Variants in TTC23 observed in about 807,000 individuals in gnomAD.
TTC23 encodes the protein tetratricopeptide repeat protein 23.
A neutral mutation model predicts 55.1 loss-of-function variants in TTC23; 58 were observed. The ratio of observed to expected loss-of-function variants is 1.05; its 90% CI spans 0.85 to 1.31. The LOEUF (loss-of-function observed/expected upper bound fraction) is 1.31, where lower values mean the gene tolerates loss of function less well. Among genes scored for constraint, TTC23 ranks in the 50% most tolerant of loss-of-function variants. The pLI is 0.00. For missense variants in TTC23, 516 were observed against 534.4 expected (o/e 0.97, Z 0.34); for synonymous variants, 203 against 199.9 (o/e 1.02, Z -0.13).
chr15:99,152,901 G>A (rs1301137148), intron 12 of TTC23, among the ~76,000 whole-genome samples: 1 of 152,044 alleles, frequency 6.6e-6, no homozygotes, highest in Non-Finnish European at 1.5e-5. Flanking sequence ...AGGTTCAAGC[G>A]ATCCTCCCAC....
chr15:99,222,891 G>A (rs1386114694), intron 5 of TTC23, among the ~76,000 whole-genome samples: 1 of 152,132 alleles, frequency 6.6e-6, no homozygotes, highest in African/African-American at 2.4e-5. Context: ...CAGCTACTCG[G>A]GAGGCTGGGG....
At chr15:99,151,121 T>A (rs2069669468) in intron 12 of TTC23, among the ~76,000 whole-genome samples, 1 of 152,218 alleles carries the variant, frequency 6.6e-6, no homozygotes, top group African/African-American at 2.4e-5. Flanking sequence ...TGGGACATTT[T>A]TAAGGGAAGG....
At chr15:99,142,489 C>A (rs1271256595) in intron 12 of TTC23, among the ~76,000 whole-genome samples, 1 of 152,186 alleles carries the variant, frequency 6.6e-6, no homozygotes, top group Admixed American at 6.5e-5. Context: ...GATGTTGTCA[C>A]TGCTTGTTGT....
intron 13 of TTC23, among the ~76,000 whole-genome samples, chr15:99,138,979 C>T (rs935024936): frequency 1.1e-4 from 16 of 152,196 alleles, no homozygotes; most frequent in South Asian, 4.1e-4. Context: ...GACGGGCATC[C>T]GAGGGCAGAG....
At chr15:99,250,528 TA>T (rs2080641648), upstream of TTC23, among the ~76,000 whole-genome samples, 1 of 152,212 alleles carries the variant, frequency 6.6e-6, no homozygotes, top group Admixed American at 6.5e-5. Context: ...GATTATACTT[TA>T]AAATCTTCAT....
At chr15:99,188,363 G>C (rs1024331315) in intron 9 of TTC23, among the ~76,000 whole-genome samples, 2 of 151,856 alleles carry the variant, frequency 1.3e-5, no homozygotes, top group African/African-American at 4.8e-5. Flanking sequence ...GACTGCCAAT[G>C]GGTATGGAAT....
At chr15:99,187,469 C>CAAAAAAAAAAAAAAAAGAAAAAAA (rs1451783999) in intron 9 of TTC23, among the ~76,000 whole-genome samples, 1 of 110,648 alleles carries the variant, frequency 9.0e-6, no homozygotes, top group Non-Finnish European at 1.8e-5. Context: ...AAAAAAAAAA[C>CAAAAAAAAAAAAAAAAGAAAAAAA]AAAACAAAAG....
chr15:99,189,236 C>T (rs1352662118), intron 9 of TTC23, among the ~76,000 whole-genome samples: 1 of 151,924 alleles, frequency 6.6e-6, no homozygotes, highest in Non-Finnish European at 1.5e-5. Flanking sequence ...ATACTAATAA[C>T]AAATAAATAA....
chr15:99,246,329 C>T (rs1172004697), intron 1 of TTC23, among the ~76,000 whole-genome samples: 1 of 152,140 alleles, frequency 6.6e-6, no homozygotes, highest in Non-Finnish European at 1.5e-5. Context: ...AAATCAGTAA[C>T]ATGGGGCTGG....
chr15:99,236,306 C>G (rs932397734), intron 3 of TTC23, among the ~76,000 whole-genome samples: 13 of 152,068 alleles, frequency 8.5e-5, no homozygotes, highest in African/African-American at 1.9e-4. Context: ...AACTTATTTT[C>G]TTTTTTTAAT....
intron 10 of TTC23, among the ~76,000 whole-genome samples, chr15:99,170,699 T>C (rs548058630): frequency 1.3e-3 from 195 of 152,350 alleles, no homozygotes; most frequent in South Asian, 3.9e-3. Context: ...TGGAGAAACC[T>C]AGGCCGCAGT....
rs567056543 is a variant in TTC23, at chr15:99,249,191, A to G, written c.-451T>C. 1 of 152,318 alleles carries G rather than the reference A, an allele frequency of 6.6e-6. No homozygotes were observed. Among genetic ancestry groups the G allele is most frequent in the Admixed American group, 6.5e-5 (1 of 15,304 alleles). The allele number at this position is 152,318 out of a possible 1,614,324, so 9.4% of individuals were successfully genotyped here. On this transcript the variant is annotated 5_prime_UTR_variant, in exon 1 of 14. Transcript: ENST00000394132. Reference sequence around the variant, plus strand: ...TTTACCTTTCAAAAATCCACTGATAATCTGGGCATGATGCTTTCAAACTTC... The same window carrying G: ...TTTACCTTTCAAAAATCCACTGATAGTCTGGGCATGATGCTTTCAAACTTC...
chr15:99,240,030 C>T (rs2079640139), intron 3 of TTC23, among the ~76,000 whole-genome samples: 1 of 152,180 alleles, frequency 6.6e-6, no homozygotes, highest in Admixed American at 6.5e-5. Flanking sequence ...TCACTGACCA[C>T]AGTCTACAGC....
chr15:99,220,226 A>G (rs2077811137), intron 6 of TTC23, among the ~76,000 whole-genome samples: 1 of 152,240 alleles, frequency 6.6e-6, no homozygotes, highest in Non-Finnish European at 1.5e-5. Context: ...AGCTGTAAAC[A>G]GGGATATTAA....
At chr15:99,233,610 C>G (rs1266776782) in intron 4 of TTC23, among the ~76,000 whole-genome samples, 2 of 152,144 alleles carry the variant, frequency 1.3e-5, no homozygotes, top group Non-Finnish European at 2.9e-5. Context: ...CTGATAGGCA[C>G]CTTTGAAAAA....
At position 99,151,882 on chromosome 15, in the gene TTC23, C is replaced by T. The variant is rs568096237; in HGVS notation, c.1143+4266G>A. Among the ~76,000 whole-genome samples the T allele has an allele frequency of 5.9e-4, 90 of 152,344 alleles. 4 individuals are homozygous for T. The South Asian group carries it at 0.016, about 27-fold the overall frequency. ...ACTAAAAATACAAAATATCTCCACT[C>T]CAACAACTCTGAGCCACGAGATCAA... is the stretch of plus-strand genomic sequence containing the variant. On this transcript the variant is annotated intron_variant, in intron 12 of 13. Transcript: ENST00000394132.
intron 10 of TTC23, among the ~76,000 whole-genome samples, chr15:99,172,898 TA>T (rs2073119247): frequency 6.6e-6 from 1 of 152,160 alleles, no homozygotes; most frequent in Admixed American, 6.5e-5. Flanking sequence ...AATATATAAC[TA>T]AAATTGGATT....
intron 12 of TTC23, chr15:99,148,515 G>T (rs1400936537): frequency 2.6e-5 from 4 of 151,930 alleles, no homozygotes; most frequent in African/African-American, 9.7e-5. Context: ...ACAATTTTTT[G>T]TGTGTGGAAA....
chr15:99,172,564 T>C (rs1220084333), intron 10 of TTC23, among the ~76,000 whole-genome samples: 3 of 152,224 alleles, frequency 2.0e-5, no homozygotes, highest in Non-Finnish European at 4.4e-5. Flanking sequence ...GGTGGTTGGC[T>C]GCCTGGGTTC....
Sources: allele counts gnomAD v4.1 joint callset (sites outside exome capture counted in the v4.1 genomes callset), GRCh38; gene constraint gnomAD v4.1.1; transcripts MANE v1.5; gene names NCBI Gene and HGNC (gene_info 2026-07-23, HGNC 2026-07-21).